The following TRIM37 variants were observed in gnomAD, a reference collection of about 807,000 sequenced individuals.
TRIM37 encodes the protein E3 ubiquitin-protein ligase TRIM37.
In TRIM37, 80 loss-of-function variants were observed where a neutral mutation model predicts 129.8. The observed-to-expected ratio is 0.62, with a 90% CI of 0.51 to 0.74. The LOEUF is 0.74. Ranked by LOEUF, TRIM37 falls within the 30% of genes least tolerant of loss-of-function variation. The pLI, the probability that TRIM37 is intolerant of heterozygous loss-of-function variation, is 0.00. For synonymous variants in TRIM37, 389 were observed against 387.1 expected, an observed-to-expected ratio of 1.00 and a Z score of -0.06; for missense variants, 1,054 against 1,176.5, an observed-to-expected ratio of 0.90 and a Z score of 1.52.
downstream of TRIM37, among the ~76,000 whole-genome samples, chr17:58,979,182 C>A (rs1246988102): frequency 1.3e-5 from 2 of 152,088 alleles, no homozygotes; most frequent in South Asian, 4.2e-4. Context: ...TGCACAATAA[C>A]AATAAAGACA....
chr17:58,985,674 G>A (rs1221557955), intron 24 of TRIM37, among the ~76,000 whole-genome samples: 2 of 152,154 alleles, frequency 1.3e-5, no homozygotes, highest in African/African-American at 4.8e-5. Context: ...AGTCACTTAC[G>A]ACACCTGCAT....
At chr17:59,106,380 G>A (rs1005755273) in intron 1 of TRIM37, 61 bp downstream of exon 1, 2 of 1,609,076 alleles carry the variant, frequency 1.2e-6, no homozygotes, top group Non-Finnish European at 1.7e-6. Context: ...ACGACTCCCC[G>A]AATAAAAACC....
At chr17:59,042,655 C>A (rs528421108) in intron 16 of TRIM37, among the ~76,000 whole-genome samples, 1 of 150,126 alleles carries the variant, frequency 6.7e-6, no homozygotes, top group Non-Finnish European at 1.5e-5. Flanking sequence ...CCCAGCTCCT[C>A]GGGAGGCTGA....
At chr17:59,105,021 G>A (rs1337554607) in intron 1 of TRIM37, among the ~76,000 whole-genome samples, 1 of 151,668 alleles carries the variant, frequency 6.6e-6, no homozygotes, top group Non-Finnish European at 1.5e-5. Context: ...GAACCTAGGA[G>A]GCGGAGGTTG....
At chr17:59,018,103 T>G (rs990626825) in intron 19 of TRIM37, among the ~76,000 whole-genome samples, 5 of 152,202 alleles carry the variant, frequency 3.3e-5, no homozygotes, top group Admixed American at 1.3e-4. Context: ...ATTATGGTAC[T>G]TGAAATCAAA....
chr17:59,003,080 T>C (rs1489413571), intron 22 of TRIM37, among the ~76,000 whole-genome samples: 3 of 152,216 alleles, frequency 2.0e-5, no homozygotes, highest in Non-Finnish European at 4.4e-5. Flanking sequence ...TTTCGCCATG[T>C]TGCCCAGACT....
the TRIM37 span, among the ~76,000 whole-genome samples, chr17:58,972,597 T>C: frequency 1.3e-5 from 2 of 152,174 alleles, no homozygotes; most frequent in African/African-American, 4.8e-5. Context: ...GTGATCTGCC[T>C]GCTTCGGCCT....
chr17:59,044,076 T>A (rs762777381), intron 16 of TRIM37, among the ~76,000 whole-genome samples: 3 of 152,100 alleles, frequency 2.0e-5, no homozygotes, highest in Non-Finnish European at 4.4e-5. Context: ...TGGAGGGACT[T>A]CTTGAGCCTA....
intron 3 of TRIM37, among the ~76,000 whole-genome samples, chr17:59,090,516 G>A (rs2044196811): frequency 6.6e-6 from 1 of 152,158 alleles, no homozygotes; most frequent in East Asian, 1.9e-4. Context: ...TATTAAGTGA[G>A]AAGACAGGGT....
chr17:59,057,190 C>A, intron 12 of TRIM37, 136 bp from the exon 13 acceptor site: 1 of 762,962 alleles, frequency 1.3e-6, no homozygotes, highest in Admixed American at 2.8e-5. Context: ...TTTCTTTTAT[C>A]ATTTATAAAA....
Position 59,017,370 on chromosome 17 carries a change from C to T in TRIM37, c.2312G>A (p.Ser771Asn). The T allele has an allele frequency of 6.2e-7, 1 of 1,614,160 alleles. No homozygotes were observed. The highest frequency in any genetic ancestry group is 8.5e-7 in the Non-Finnish European group (1 of 1,180,012). Residue 771 changes from serine (S) to asparagine (N), a missense_variant, in exon 20 of 24, where the codon AGT becomes AAT. Transcript: ENST00000262294. Reference protein sequence around the residue: ...PKPARSSVAGSLSLRRAVDPG... With the variant: ...PKPARSSVAGNLSLRRAVDPG... ...GTCCACTGCTCTTCGAAGTGATAGACTACCTGCTACACTGGATCGAGCTGG... is the reference window on the plus strand; with the variant it reads ...GTCCACTGCTCTTCGAAGTGATAGATTACCTGCTACACTGGATCGAGCTGG...
chr17:59,105,572 T>A (rs2045921133), intron 1 of TRIM37, among the ~76,000 whole-genome samples: 1 of 152,206 alleles, frequency 6.6e-6, no homozygotes, highest in Non-Finnish European at 1.5e-5. Context: ...CATTCTAGAA[T>A]TAAACCCTCC....
chr17:59,012,579 GA>G (rs1266529676), intron 21 of TRIM37, 133 bp from the exon 22 acceptor site: 5 of 685,480 alleles, frequency 7.3e-6, no homozygotes, highest in Non-Finnish European at 1.3e-5. Context: ...AATTTTATCT[GA>G]AAATATTTCA....
intron 1 of TRIM37, among the ~76,000 whole-genome samples, chr17:59,105,426 T>C (rs1439657111): frequency 6.6e-6 from 1 of 152,110 alleles, no homozygotes; most frequent in South Asian, 2.1e-4. Flanking sequence ...CAAGAAACAG[T>C]ATTATGTTTG....
intron 22 of TRIM37, among the ~76,000 whole-genome samples, chr17:59,011,145 G>T (rs2035206953): frequency 6.6e-6 from 1 of 151,750 alleles, no homozygotes; most frequent in African/African-American, 2.4e-5. Context: ...CTCCAGACTG[G>T]GCAACAGAGC....
chr17:59,046,443 T>C (rs555371307), intron 16 of TRIM37, among the ~76,000 whole-genome samples: 1 of 152,140 alleles, frequency 6.6e-6, no homozygotes, highest in African/African-American at 2.4e-5. Flanking sequence ...GTAACCTCTA[T>C]CTAATCATGA....
intron 9 of TRIM37, among the ~76,000 whole-genome samples, 199 bp from the exon 10 acceptor site, chr17:59,064,604 C>T (rs1568144866): frequency 6.6e-6 from 1 of 152,092 alleles, no homozygotes; most frequent in Non-Finnish European, 1.5e-5. Context: ...ATTGGAGATA[C>T]AAATACTTTA....
rs2040941021 is a variant in TRIM37 at position 59,056,719 on chromosome 17, A to AAAAAAAAAAAAAG, written c.1199+155_1199+156insCTTTTTTTTTTTT. Reference sequence around the variant, plus strand: ...CGACAGAGCGAGACTATGTCTCCAAAAAAAAAAAAAAAAAAAAAAAAAAAA... The same window carrying AAAAAAAAAAAAAG: ...CGACAGAGCGAGACTATGTCTCCAAAAAAAAAAAAAAAGAAAAAAAAAAAAAAAAAAAAAAAAA... On this transcript the variant is annotated intron_variant, in intron 13 of 23. Transcript: ENST00000262294. Among the ~76,000 whole-genome samples the AAAAAAAAAAAAAG allele has an allele frequency of 4.6e-5, 5 of 109,378 alleles. 1 individual carries two copies. In the South Asian group the frequency reaches 1.3e-3, roughly 27 times the overall value. 71.8% of individuals were successfully genotyped at this position (109,378 alleles called of 152,430 possible).
rs1204088877 is a variant in TRIM37, at chr17:59,081,955, A to ATAATAAT, written c.370-737_370-736insATTATTA. On this transcript the variant is annotated intron_variant, in intron 5 of 23. Transcript: ENST00000262294. ...TAAAAACCAAAAAAAAAAAAAAATA[A>ATAATAAT]AAAAAAAAAAATAATAATAATAATA... is the stretch of plus-strand genomic sequence containing the variant. Among the ~76,000 whole-genome samples the ATAATAAT allele has an allele frequency of 5.5e-3, 641 of 117,522 alleles. 9 individuals are homozygous for ATAATAAT. The highest frequency in any genetic ancestry group is 0.021 in the African/African-American group (597 of 28,322). The allele number at this position is 117,522 out of a possible 152,430, so 77.1% of individuals were successfully genotyped here.
Sources: allele counts gnomAD v4.1 joint callset (sites outside exome capture counted in the v4.1 genomes callset), GRCh38; gene constraint gnomAD v4.1.1; transcripts MANE v1.5; gene names NCBI Gene and HGNC (gene_info 2026-07-23, HGNC 2026-07-21).